NDUFS4: variants seen among roughly 807,000 people sequenced by gnomAD.
The protein encoded by NDUFS4 is NADH dehydrogenase [ubiquinone] iron-sulfur protein 4, mitochondrial.
In NDUFS4, 28 loss-of-function variants were observed where a neutral mutation model predicts 24.3. The observed-to-expected ratio is 1.15, with a 90% CI of 0.85 to 1.58. The LOEUF is 1.58. Ranked by LOEUF, NDUFS4 falls within the 40% of genes most tolerant of loss-of-function variation. NDUFS4 has a pLI of 0.00. For missense variants in NDUFS4, 223 were observed against 207.9 expected (o/e 1.07, Z -0.45); for synonymous variants, 93 against 69.7 (o/e 1.34, Z -1.67).
chr5:53,666,945 A>T (rs1752532081), intron 4 of NDUFS4, among the ~76,000 whole-genome samples: 1 of 152,000 alleles, frequency 6.6e-6, no homozygotes, highest in African/African-American at 2.4e-5. Flanking sequence ...AAAAATAATA[A>T]ATAAATAAAT....
In NDUFS4 at chr5:53,617,541, C is replaced by T. The variant is rs995691528; in HGVS notation, c.177+14011C>T. 9.2e-5 allele frequency among the ~76,000 whole-genome samples: 14 copies of T among 152,102 alleles called. No individual in the cohort carries two copies. The East Asian group carries it at 1.9e-3, about 21-fold the overall frequency. On this transcript the variant is annotated intron_variant, in intron 2 of 4. Transcript: ENST00000296684. ...CCACTCCCCTGTCTCTTCTACCGCC[C>T]GTTTTCTTCTTCCTTCCATTCTTTT...
At chr5:53,586,725 G>GT (rs1168336695) in intron 1 of NDUFS4, among the ~76,000 whole-genome samples, 2 of 151,532 alleles carry the variant, frequency 1.3e-5, no homozygotes, top group East Asian at 3.9e-4. Flanking sequence ...GGGTTTCACC[G>GT]TGTTAGCCAG....
intron 2 of NDUFS4, among the ~76,000 whole-genome samples, chr5:53,633,916 A>G (rs898283152): frequency 1.3e-5 from 2 of 152,276 alleles, no homozygotes; most frequent in African/African-American, 4.8e-5. Flanking sequence ...TAGATGGTGT[A>G]TTTTCTTGAT....
chr5:53,560,670 CGGTGTCAATGTCAGT>C lies in NDUFS4; in HGVS notation c.12_26del (p.Ser5_Val9del), dbSNP rs1561325626. 6.2e-7 allele frequency: 1 copy of C among 1,614,242 alleles called. No homozygotes were observed. Among genetic ancestry groups the C allele is most frequent in the Non-Finnish European group, 8.5e-7 (1 of 1,180,048 alleles). On this transcript the variant is annotated inframe_deletion, in exon 1 of 5. Transcript: ENST00000296684. ...GCGTTTGCCTGCAGCAAGATGGCGGCGGTGTCAATGTCAGTGGTACTGAGGCAGACGTTGTGGCGG... is the reference window on the plus strand; with the variant it reads ...GCGTTTGCCTGCAGCAAGATGGCGGCGGTACTGAGGCAGACGTTGTGGCGG...
At chr5:53,655,993 A>G (rs1174433608) in intron 3 of NDUFS4, among the ~76,000 whole-genome samples, 2 of 151,938 alleles carry the variant, frequency 1.3e-5, no homozygotes, top group Admixed American at 6.6e-5. Flanking sequence ...GTACAGTTCA[A>G]AAGCTCCCTG....
chr5:53,661,006 T>G (rs1299740091), intron 4 of NDUFS4, among the ~76,000 whole-genome samples: 1 of 152,238 alleles, frequency 6.6e-6, no homozygotes, highest in African/African-American at 2.4e-5. Context: ...TTAGTTTGAT[T>G]AGATCCCATT....
At chr5:53,651,813 G>T (rs1394842243) in intron 3 of NDUFS4, among the ~76,000 whole-genome samples, 2 of 141,456 alleles carry the variant, frequency 1.4e-5, no homozygotes, top group East Asian at 4.1e-4. Flanking sequence ...TCACTCTGTC[G>T]CTCAGGCTGG....
At chr5:53,562,569 G>A in intron 1 of NDUFS4, among the ~76,000 whole-genome samples, 1 of 151,784 alleles carries the variant, frequency 6.6e-6, no homozygotes, top group Non-Finnish European at 1.5e-5. Context: ...ATTTAATCTT[G>A]AAAAAAAATC....
chr5:53,628,142 G>T (rs1030341427), intron 2 of NDUFS4, among the ~76,000 whole-genome samples: 1 of 152,164 alleles, frequency 6.6e-6, no homozygotes, highest in African/African-American at 2.4e-5. Context: ...AGATAATCAT[G>T]TGGTTTTTGT....
intron 4 of NDUFS4, among the ~76,000 whole-genome samples, chr5:53,675,241 C>CA (rs149139509): frequency 0.16 from 23,880 of 145,518 alleles, 1,910 homozygotes; most frequent in Middle Eastern, 0.19. Flanking sequence ...CAGCTCACTG[C>CA]AAGCTCTGCC....
intron 1 of NDUFS4, among the ~76,000 whole-genome samples, chr5:53,602,122 A>G (rs1472856098): frequency 6.6e-6 from 1 of 152,172 alleles, no homozygotes; most frequent in Non-Finnish European, 1.5e-5. Context: ...TCAGATTCTC[A>G]TGAGTTCACT....
chr5:53,645,152 G>A (rs1016188018), intron 2 of NDUFS4, among the ~76,000 whole-genome samples: 1 of 152,144 alleles, frequency 6.6e-6, no homozygotes, highest in East Asian at 1.9e-4. Context: ...TTTTTACCAA[G>A]TTATCCAAAA....
chr5:53,608,860 A>AATTGT (rs1750611390), intron 2 of NDUFS4, among the ~76,000 whole-genome samples: 1 of 152,246 alleles, frequency 6.6e-6, no homozygotes. Context: ...TGCCTTTAAC[A>AATTGT]ATTGTATTGT....
At chr5:53,633,511 C>T (rs1251756249) in intron 2 of NDUFS4, among the ~76,000 whole-genome samples, 4 of 152,150 alleles carry the variant, frequency 2.6e-5, no homozygotes, top group Non-Finnish European at 5.9e-5. Flanking sequence ...TTAGATCACA[C>T]CTCCTTTATC....
intron 2 of NDUFS4, among the ~76,000 whole-genome samples, chr5:53,613,229 A>T (rs1455400132): frequency 1.3e-5 from 2 of 152,114 alleles, no homozygotes; most frequent in East Asian, 3.9e-4. Context: ...CTAGCATCTC[A>T]AGTGTCTGTT....
intron 2 of NDUFS4, among the ~76,000 whole-genome samples, chr5:53,617,191 A>G (rs187623368): frequency 3.3e-5 from 5 of 152,322 alleles, no homozygotes; most frequent in Admixed American, 1.3e-4. Context: ...TGCTTTTGCC[A>G]GTGGCATGGG....
intron 1 of NDUFS4, among the ~76,000 whole-genome samples, chr5:53,581,759 C>T (rs1203634065): frequency 6.6e-6 from 1 of 152,126 alleles, no homozygotes; most frequent in Non-Finnish European, 1.5e-5. Flanking sequence ...AGCTCCCTCT[C>T]TTACCTCATC....
At chr5:53,570,903 C>T (rs1412951615) in intron 1 of NDUFS4, among the ~76,000 whole-genome samples, 2 of 151,876 alleles carry the variant, frequency 1.3e-5, no homozygotes, top group East Asian at 3.9e-4. Context: ...AGGCTAGTCT[C>T]GAACTCCTGA....
chr5:53,618,817 A>C (rs1750934975), intron 2 of NDUFS4, among the ~76,000 whole-genome samples: 1 of 152,154 alleles, frequency 6.6e-6, no homozygotes, highest in Non-Finnish European at 1.5e-5. Context: ...TGTAATTAAA[A>C]AATTACTGGT....
Sources: gnomAD v4.1 joint callset for allele counts (sites outside exome capture counted in the v4.1 genomes callset) on GRCh38, gnomAD v4.1.1 for gene constraint, MANE v1.5 for transcripts, NCBI Gene and HGNC (gene_info 2026-07-23, HGNC 2026-07-21) for gene names.